The following CBLN2 variants were observed in gnomAD, a reference collection of about 807,000 sequenced individuals.
The protein encoded by CBLN2 is cerebellin-2.
A neutral mutation model predicts 15.0 loss-of-function variants in CBLN2; 7 were observed. The observed-to-expected ratio is 0.47, with a 90% CI of 0.27 to 0.88. The LOEUF (loss-of-function observed/expected upper bound fraction) is 0.88, where lower values mean the gene tolerates loss of function less well. Ranked by LOEUF, CBLN2 falls within the 40% of genes least tolerant of loss-of-function variation. The pLI is 0.14. For synonymous variants in CBLN2, 149 were observed against 135.2 expected (o/e 1.10, Z -0.71); for missense variants, 242 against 304.5 (o/e 0.79, Z 1.53).
At chr18:72,577,309 T>C (rs1026094583) in intron 1 of CBLN2, among the ~76,000 whole-genome samples, 1 of 152,098 alleles carries the variant, frequency 6.6e-6, no homozygotes, top group African/African-American at 2.4e-5. Flanking sequence ...GTTTTATAAT[T>C]ATTTTTTAAA....
At chr18:72,624,052 C>A (rs1330684195) in intron 1 of CBLN2, among the ~76,000 whole-genome samples, 1 of 152,114 alleles carries the variant, frequency 6.6e-6, no homozygotes, top group Non-Finnish European at 1.5e-5. Flanking sequence ...GTGATTATTT[C>A]TTAAACTCTC....
At chr18:72,570,770 A>G (rs1037618212) in intron 1 of CBLN2, among the ~76,000 whole-genome samples, 7 of 152,276 alleles carry the variant, frequency 4.6e-5, no homozygotes, top group African/African-American at 1.7e-4. Flanking sequence ...GGTTTCCAGT[A>G]AGAGAGCTGC....
chr18:72,618,035 G>C (rs941918147), intron 1 of CBLN2, among the ~76,000 whole-genome samples: 1 of 152,194 alleles, frequency 6.6e-6, no homozygotes, highest in African/African-American at 2.4e-5. Flanking sequence ...GTTAAGGTTT[G>C]ATAGGTTTAT....
At chr18:72,606,085 A>T (rs1450331016) in intron 1 of CBLN2, among the ~76,000 whole-genome samples, 1 of 152,256 alleles carries the variant, frequency 6.6e-6, no homozygotes, top group African/African-American at 2.4e-5. Flanking sequence ...CTGTCACCAC[A>T]TCCTTGAGAT....
intron 1 of CBLN2, among the ~76,000 whole-genome samples, chr18:72,622,384 T>C (rs562538171): frequency 6.6e-6 from 1 of 152,038 alleles, no homozygotes; most frequent in South Asian, 2.1e-4. Context: ...GTTGACTTTC[T>C]GGGGCCAATG....
chr18:72,592,351 G>A (rs188870922), intron 1 of CBLN2, among the ~76,000 whole-genome samples: 163 of 151,118 alleles, frequency 1.1e-3, no homozygotes, highest in African/African-American at 3.9e-3. Flanking sequence ...TAGAATTATT[G>A]CATTTCTCCC....
At chr18:72,544,651 C>A (rs1343500101), upstream of CBLN2, 1 of 152,082 alleles carries the variant, frequency 6.6e-6, no homozygotes, top group Non-Finnish European at 1.5e-5. Context: ...TGATAGCAAC[C>A]ACAAGAAGAA....
At chr18:72,541,000 A>G (rs1447779389) in intron 3 of CBLN2, among the ~76,000 whole-genome samples, 1 of 152,226 alleles carries the variant, frequency 6.6e-6, no homozygotes, top group East Asian at 1.9e-4. Context: ...AGGACACAAA[A>G]AGAAGGTCAT....
chr18:72,568,443 G>T (rs2069310661), intron 1 of CBLN2, among the ~76,000 whole-genome samples: 1 of 151,918 alleles, frequency 6.6e-6, no homozygotes, highest in Non-Finnish European at 1.5e-5. Flanking sequence ...ACCACGGCAG[G>T]CATATTTCAA....
intron 1 of CBLN2, among the ~76,000 whole-genome samples, chr18:72,624,011 T>G (rs758436771): frequency 5.9e-5 from 9 of 152,128 alleles, no homozygotes; most frequent in Non-Finnish European, 1.2e-4. Context: ...CAGTTGAATT[T>G]TTTAGAAACA....
chr18:72,637,281 C>CAAA (rs56971218), intron 1 of CBLN2, among the ~76,000 whole-genome samples: 3 of 150,310 alleles, frequency 2.0e-5, no homozygotes, highest in South Asian at 2.1e-4. Flanking sequence ...ACAGAACAAG[C>CAAA]AAAAAAAAAA....
rs2069117159 is a variant in CBLN2, at chr18:72,542,049, G to C, written c.112C>G (p.Leu38Val). The change falls in exon 3 of 5, where the codon CTG (leucine) becomes GTG (valine). Residue 38 changes from leucine to valine, a missense_variant. This residue lies in a region of CBLN2 where 96 missense variants were observed against 83.8 expected (regional missense o/e 1.15). Coordinates refer to ENST00000269503, the MANE Select transcript of CBLN2 (RefSeq NM_182511.4). ...CGSCLGVALA[L>V]LLLLLPACCP... ...CAGGCGGGCAGTAGCAGCAACAGCA[G>C]GGCCAGCGCCACCCCCAGGCAGGAT... The C allele has an allele frequency of 1.3e-6, 2 of 1,585,134 alleles. No individual in the cohort carries two copies. Among genetic ancestry groups the C allele is most frequent in the Non-Finnish European group, 1.7e-6 (2 of 1,174,918 alleles).
intron 1 of CBLN2, among the ~76,000 whole-genome samples, chr18:72,626,529 G>A (rs996626771): frequency 7.2e-5 from 11 of 151,878 alleles, no homozygotes; most frequent in South Asian, 2.1e-4. Flanking sequence ...GTAAAACCCC[G>A]TCTCTACTAA....
At chr18:72,548,705 G>T (rs892859226), upstream of CBLN2, among the ~76,000 whole-genome samples, 45 of 152,310 alleles carry the variant, frequency 3.0e-4, no homozygotes, top group African/African-American at 1.1e-3. Context: ...CTGGTCATTT[G>T]AGCAAAGCCA....
intron 1 of CBLN2, among the ~76,000 whole-genome samples, chr18:72,573,194 A>T (rs1020648983): frequency 5.3e-5 from 8 of 152,230 alleles, no homozygotes; most frequent in African/African-American, 1.9e-4. Flanking sequence ...GCCCTACAGA[A>T]TTTCAAGAGC....
chr18:72,538,468 C>T, intron 4 of CBLN2, 95 bp from the exon 5 acceptor site: 3 of 1,477,922 alleles, frequency 2.0e-6, no homozygotes, highest in Non-Finnish European at 2.8e-6. Context: ...CCACCCCCAT[C>T]CTTCCCTTAG....
At chr18:72,638,408 C>T (rs2069827897) in exon 1 of CBLN2, 1 of 398,306 alleles carries the variant, frequency 2.5e-6, no homozygotes, top group African/African-American at 2.1e-5. Context: ...AAATTCAATT[C>T]ATTTCTCTTT....
intron 1 of CBLN2, among the ~76,000 whole-genome samples, chr18:72,607,203 C>T (rs2069588986): frequency 6.6e-6 from 1 of 152,210 alleles, no homozygotes; most frequent in African/African-American, 2.4e-5. Context: ...GGAACCAACA[C>T]TGCCAACACC....
intron 1 of CBLN2, among the ~76,000 whole-genome samples, chr18:72,584,580 G>A (rs1177738712): frequency 6.6e-6 from 1 of 152,108 alleles, no homozygotes; most frequent in African/African-American, 2.4e-5. Flanking sequence ...GGGATTACAT[G>A]CATAAGCCAC....
Sources: allele counts gnomAD v4.1 joint callset (sites outside exome capture counted in the v4.1 genomes callset), GRCh38; gene constraint gnomAD v4.1.1; regional missense constraint gnomAD v4.1.1; transcripts MANE v1.5; gene names NCBI Gene and HGNC (gene_info 2026-07-23, HGNC 2026-07-21).